EPHB1: variants seen among roughly 807,000 people sequenced by gnomAD.
EPHB1 encodes EPH receptor B1.
Under a neutral mutation model 94.4 loss-of-function variants are expected in EPHB1, and 30 were observed. The observed-to-expected ratio is 0.32, with a 90% confidence interval of 0.24 to 0.43. The LOEUF (loss-of-function observed/expected upper bound fraction) is 0.43. EPHB1 is among the 20% of genes least tolerant of loss of function. The pLI, the probability that EPHB1 is intolerant of heterozygous loss-of-function variation, is 1.00. For synonymous variants in EPHB1, 522 were observed against 489.1 expected, an observed-to-expected ratio of 1.07 and a Z score of -0.89; for missense variants, 1,055 against 1,308.3, an observed-to-expected ratio of 0.81 and a Z score of 2.99.
At chr3:135,232,616 CT>C (rs57272966) in intron 12 of EPHB1, among the ~76,000 whole-genome samples, 99,568 of 152,080 alleles carry the variant, frequency 0.65, 33,807 homozygotes, top group Middle Eastern at 0.77. Context: ...CAATTTGCTG[CT>C]TTTTTTCCTT....
chr3:134,981,224 T>C (rs1934389621), intron 3 of EPHB1, among the ~76,000 whole-genome samples: 1 of 152,230 alleles, frequency 6.6e-6, no homozygotes, highest in Non-Finnish European at 1.5e-5. Flanking sequence ...TTTTTGTCAT[T>C]AGATCATCAT....
rs900235732 is a variant in EPHB1 at position 134,898,189 on chromosome 3, G to T, written c.59-27627G>T. On this transcript the variant is annotated intron_variant, in intron 1 of 15. Coordinates refer to ENST00000398015, the MANE Select transcript of EPHB1 (RefSeq NM_004441.5). The stretch of plus-strand genomic sequence containing the variant: ...GGGCCAAGCGTTTTGTGATCCCAGC[G>T]AATCAACTTCATGGCCAGCCTCCTA... Among the ~76,000 whole-genome samples the T allele has an allele frequency of 3.3e-5, 5 of 152,046 alleles. No homozygotes were observed. The South Asian group carries it at 1.0e-3, about 32-fold the overall frequency.
At chr3:134,885,141 A>C (rs543141393) in intron 1 of EPHB1, among the ~76,000 whole-genome samples, 1 of 152,374 alleles carries the variant, frequency 6.6e-6, no homozygotes, top group East Asian at 1.9e-4. Context: ...CAAATAGAAC[A>C]TCTAGAGATG....
chr3:135,236,119 C>T (rs1486074999), intron 12 of EPHB1, among the ~76,000 whole-genome samples: 1 of 152,176 alleles, frequency 6.6e-6, no homozygotes, highest in African/African-American at 2.4e-5. Context: ...TATTCTATCA[C>T]AGTTCTGGAG....
chr3:135,182,451 T>TA (rs1413668568), intron 10 of EPHB1, among the ~76,000 whole-genome samples: 1 of 152,202 alleles, frequency 6.6e-6, no homozygotes, highest in Non-Finnish European at 1.5e-5. Context: ...GAATACTTCT[T>TA]ATATGCTGGA....
intron 4 of EPHB1, among the ~76,000 whole-genome samples, chr3:135,108,030 T>C (rs928178889): frequency 5.3e-5 from 8 of 152,212 alleles, no homozygotes; most frequent in Non-Finnish European, 1.2e-4. Context: ...CACTGCTCCC[T>C]GGATGTTCAG....
At chr3:134,902,579 A>G (rs2038225387) in intron 1 of EPHB1, among the ~76,000 whole-genome samples, 1 of 152,274 alleles carries the variant, frequency 6.6e-6, no homozygotes, top group Non-Finnish European at 1.5e-5. Context: ...CTATGATTAA[A>G]ATGGCTTCTT....
intron 1 of EPHB1, among the ~76,000 whole-genome samples, chr3:134,854,892 AAGAAAATAT>A (rs2037077981): frequency 1.4e-5 from 2 of 145,682 alleles, no homozygotes; most frequent in Admixed American, 1.4e-4. Context: ...ATAAAAAGTT[AAGAAAATAT>A]AGAAAAGTAT....
At chr3:134,902,283 A>G (rs565591799) in intron 1 of EPHB1, among the ~76,000 whole-genome samples, 15 of 152,116 alleles carry the variant, frequency 9.9e-5, no homozygotes, top group Non-Finnish European at 1.9e-4. Context: ...AAGAAGTGAT[A>G]GAAAAGTGGA....
chr3:134,997,869 C>T (rs1192493714), intron 3 of EPHB1, among the ~76,000 whole-genome samples: 1 of 152,150 alleles, frequency 6.6e-6, no homozygotes, highest in Non-Finnish European at 1.5e-5. Flanking sequence ...GTTCCCATTC[C>T]TGCAGTAGCT....
At chr3:135,242,930 G>A (rs534333242) in intron 13 of EPHB1, among the ~76,000 whole-genome samples, 2 of 151,936 alleles carry the variant, frequency 1.3e-5, no homozygotes, top group Non-Finnish European at 2.9e-5. Flanking sequence ...ATACAAATTA[G>A]CCAGGTATGG....
At chr3:135,072,732 GT>G (rs1266064915) in intron 3 of EPHB1, among the ~76,000 whole-genome samples, 2 of 152,132 alleles carry the variant, frequency 1.3e-5, no homozygotes, top group South Asian at 2.1e-4. Flanking sequence ...CTCCATCTTT[GT>G]TACCACATTT....
At chr3:135,187,860 C>T (rs111686933) in intron 10 of EPHB1, among the ~76,000 whole-genome samples, 2,412 of 152,180 alleles carry the variant, frequency 0.016, 26 homozygotes, top group Middle Eastern at 0.034. Context: ...CAGTGAGACT[C>T]CCCTACTCTG....
At chr3:134,927,084 G>A (rs769315449) in intron 2 of EPHB1, among the ~76,000 whole-genome samples, 13 of 152,134 alleles carry the variant, frequency 8.5e-5, no homozygotes, top group Non-Finnish European at 1.5e-4. Context: ...GTCTGGCTAG[G>A]ACAGGGTGGC....
At chr3:134,822,490 G>A (rs984085463) in intron 1 of EPHB1, among the ~76,000 whole-genome samples, 3 of 152,182 alleles carry the variant, frequency 2.0e-5, no homozygotes, top group Non-Finnish European at 4.4e-5. Context: ...ATTGCAAAAA[G>A]GAATCACTTC....
intron 3 of EPHB1, among the ~76,000 whole-genome samples, chr3:135,081,959 G>T (rs1322582567): frequency 2.6e-5 from 4 of 151,954 alleles, no homozygotes; most frequent in Admixed American, 6.6e-5. Flanking sequence ...ATGCTTCCCT[G>T]TGAGGCAGAT....
intron 1 of EPHB1, among the ~76,000 whole-genome samples, chr3:134,805,155 G>C (rs7648884): frequency 2.0e-5 from 3 of 152,248 alleles, no homozygotes; most frequent in East Asian, 1.9e-4. Flanking sequence ...GTGGTTTCAC[G>C]TGAATTCTTG....
At chr3:134,939,864 C>T (rs562995511) in intron 2 of EPHB1, among the ~76,000 whole-genome samples, 1 of 152,336 alleles carries the variant, frequency 6.6e-6, no homozygotes, top group East Asian at 1.9e-4. Flanking sequence ...GACATGGTGG[C>T]AGCAACTGTT....
At chr3:135,164,815 A>G (rs1941605715) in intron 7 of EPHB1, among the ~76,000 whole-genome samples, 1 of 151,616 alleles carries the variant, frequency 6.6e-6, no homozygotes, top group Non-Finnish European at 1.5e-5. Flanking sequence ...TCAAAAAAAA[A>G]AAAAAAAAAA....
Sources: gnomAD v4.1 joint callset for allele counts (sites outside exome capture counted in the v4.1 genomes callset) on GRCh38, gnomAD v4.1.1 for gene constraint, MANE v1.5 for transcripts, NCBI Gene and HGNC (gene_info 2026-07-23, HGNC 2026-07-21) for gene names.